Variants in SLC16A7 observed in about 807,000 individuals in gnomAD.
The protein encoded by SLC16A7 is monocarboxylate transporter 2.
Under a neutral mutation model 34.9 loss-of-function variants are expected in SLC16A7, and 33 were observed. That is an observed-to-expected ratio of 0.94 (90% CI 0.72 to 1.26). The LOEUF (loss-of-function observed/expected upper bound fraction) is 1.26, where lower values mean the gene tolerates loss of function less well. Ranked by LOEUF, SLC16A7 falls within the 50% of genes most tolerant of loss-of-function variation. The pLI, the probability that SLC16A7 is intolerant of heterozygous loss-of-function variation, is 0.00. For missense variants in SLC16A7, 573 were observed against 578.1 expected, an observed-to-expected ratio of 0.99 and a Z score of 0.09; for synonymous variants, 201 against 206.6, an observed-to-expected ratio of 0.97 and a Z score of 0.23.
rs1878402591 is a variant in SLC16A7, at chr12:59,596,487, ACT to A, written c.-130+252_-130+253del. ...AGTGCGCGCCGACAGCTGCCCGGGA[ACT>A]GAGGGGGCGCGCGGGGTCCTGGGCA... On this transcript the variant is annotated intron_variant, in intron 1 of 5. Coordinates refer to ENST00000547379, the MANE Select transcript of SLC16A7 (RefSeq NM_001270623.2). This position sits in a 1 kb window ranked among gnomAD's most constrained non-coding sequence, Gnocchi z 5.0. 1.2e-5 allele frequency among the ~76,000 whole-genome samples: 1 copy of A among 84,080 alleles called. No individual in the cohort carries two copies. The highest frequency in any genetic ancestry group is 2.4e-5 in the Non-Finnish European group (1 of 41,404). The allele number at this position is 84,080 out of a possible 152,430, so 55.2% of individuals were successfully genotyped here.
At position 59,714,860 on chromosome 12, in the gene SLC16A7, C is replaced by T. The variant is rs4760300; in HGVS notation, c.217+9842C>T. ...GATTACAGGCATGAGCCAACATGCC[C>T]GGCCTCTCTCTCTTCTTATAAGGAA... On this transcript the variant is annotated intron_variant, in intron 3 of 5. Transcript: ENST00000547379. 2.6e-3 allele frequency among the ~76,000 whole-genome samples: 396 copies of T among 152,234 alleles called. 1 individual carries two copies. Among genetic ancestry groups the T allele is most frequent in the South Asian group, 3.3e-3 (16 of 4,820 alleles).
At chr12:59,650,912 T>A (rs779481789) in intron 1 of SLC16A7, among the ~76,000 whole-genome samples, 3 of 152,216 alleles carry the variant, frequency 2.0e-5, no homozygotes, top group Non-Finnish European at 4.4e-5. Flanking sequence ...AGCTCTAGTG[T>A]ACTATTTGCT....
chr12:59,772,172 T>C (rs1412328881), intron 4 of SLC16A7, among the ~76,000 whole-genome samples: 1 of 152,156 alleles, frequency 6.6e-6, no homozygotes, highest in African/African-American at 2.4e-5. Context: ...ATATTTACAC[T>C]CATGTAATCT....
At chr12:59,603,439 C>T (rs529423240) in intron 1 of SLC16A7, among the ~76,000 whole-genome samples, 27 of 152,254 alleles carry the variant, frequency 1.8e-4, no homozygotes, top group African/African-American at 3.4e-4. Context: ...TACTTCCTAC[C>T]GCCAAATCTT....
At chr12:59,643,167 C>G (rs866226218) in intron 1 of SLC16A7, among the ~76,000 whole-genome samples, 1 of 152,060 alleles carries the variant, frequency 6.6e-6, no homozygotes, top group Non-Finnish European at 1.5e-5. Context: ...AATATTTACT[C>G]CAATGTAATT....
rs1273281305 is a variant in SLC16A7 at position 59,787,541 on chromosome 12, C to T, written c.*7862C>T. 1 of 152,120 alleles carries T rather than the reference C, an allele frequency of 6.6e-6. No homozygotes were observed. The highest frequency in any genetic ancestry group is 1.5e-5 in the Non-Finnish European group (1 of 68,032). The allele number at this position is 152,120 out of a possible 1,614,324, so 9.4% of individuals were successfully genotyped here. A position where few individuals can be genotyped will look rare whatever the true frequency, so the allele number is the denominator to read the frequency against. The stretch of plus-strand genomic sequence containing the variant: ...CCATGTAGAGAACAAACAAAAATCA[C>T]ACCTAAATTAAAGATCTGTGGTGAA... On this transcript the variant is annotated 3_prime_UTR_variant, in exon 6 of 6. Coordinates refer to ENST00000547379, the MANE Select transcript of SLC16A7 (RefSeq NM_001270623.2).
chr12:59,751,336 G>A (rs1251904619), intron 3 of SLC16A7, among the ~76,000 whole-genome samples: 1 of 152,218 alleles, frequency 6.6e-6, no homozygotes, highest in Non-Finnish European at 1.5e-5. Context: ...GGGTCAGGGA[G>A]TTCCCTTTCC....
intron 2 of SLC16A7, among the ~76,000 whole-genome samples, chr12:59,704,500 G>T (rs1374014308): frequency 6.6e-6 from 1 of 152,086 alleles, no homozygotes; most frequent in Non-Finnish European, 1.5e-5. Flanking sequence ...CTTCAGTTCA[G>T]ATCTAAATTC....
rs1465435186 is a variant in SLC16A7 at position 59,788,373 on chromosome 12, A to T, written c.*8694A>T. On this transcript the variant is annotated 3_prime_UTR_variant, in exon 6 of 6. Coordinates refer to ENST00000547379, the MANE Select transcript of SLC16A7 (RefSeq NM_001270623.2). ...TTTGTGATTTTTAAGTGAAAAAAATAAAATGTAGTTGTCTTGTTTATTCTA... is the reference window on the plus strand; with the variant it reads ...TTTGTGATTTTTAAGTGAAAAAAATTAAATGTAGTTGTCTTGTTTATTCTA... 1 of 152,080 alleles carries T rather than the reference A, an allele frequency of 6.6e-6. No homozygotes were observed. Among genetic ancestry groups the T allele is most frequent in the Non-Finnish European group, 1.5e-5 (1 of 67,976 alleles). The allele number at this position is 152,080 out of a possible 1,614,324, so 9.4% of individuals were successfully genotyped here.
chr12:59,646,988 A>T (rs1348421582), intron 1 of SLC16A7, among the ~76,000 whole-genome samples: 1 of 151,962 alleles, frequency 6.6e-6, no homozygotes, highest in Non-Finnish European at 1.5e-5. Context: ...CTGTACCCCC[A>T]TTGTATCTAG....
chr12:59,613,239 G>A (rs1879283183), intron 1 of SLC16A7, among the ~76,000 whole-genome samples: 1 of 152,162 alleles, frequency 6.6e-6, no homozygotes, highest in Non-Finnish European at 1.5e-5. Flanking sequence ...AAGGGGAAAT[G>A]CCCCTTATAA....
chr12:59,714,861 G>A (rs554010190), intron 3 of SLC16A7, among the ~76,000 whole-genome samples: 24 of 152,040 alleles, frequency 1.6e-4, no homozygotes, highest in Middle Eastern at 3.4e-3. Context: ...CAACATGCCC[G>A]GCCTCTCTCT....
chr12:59,686,060 A>G (rs1420132363), intron 2 of SLC16A7, among the ~76,000 whole-genome samples: 2 of 148,158 alleles, frequency 1.3e-5, no homozygotes, highest in Non-Finnish European at 3.0e-5. Context: ...TATATAATGT[A>G]ATTTCTTCAA....
intron 3 of SLC16A7, among the ~76,000 whole-genome samples, chr12:59,743,134 T>G (rs1351862886): frequency 6.6e-6 from 1 of 152,230 alleles, no homozygotes; most frequent in Admixed American, 6.5e-5. Flanking sequence ...GGACTCATCA[T>G]GCTGTTTCAC....
intron 5 of SLC16A7, among the ~76,000 whole-genome samples, chr12:59,776,050 A>G (rs990600271): frequency 2.6e-5 from 4 of 152,160 alleles, no homozygotes; most frequent in African/African-American, 9.7e-5. Flanking sequence ...CTCATGTTCC[A>G]TGTTTATAAA....
chr12:59,761,035 C>T (rs1015154557), intron 3 of SLC16A7: 1 of 498,586 alleles, frequency 2.0e-6, no homozygotes. Context: ...AACAACTAGT[C>T]TTCAAATACT....
chr12:59,645,086 C>A (rs1029174437), intron 1 of SLC16A7, among the ~76,000 whole-genome samples: 1 of 151,976 alleles, frequency 6.6e-6, no homozygotes, highest in Non-Finnish European at 1.5e-5. Context: ...TCTTGTGTAC[C>A]ACTCTCACAG....
intron 1 of SLC16A7, among the ~76,000 whole-genome samples, chr12:59,651,644 G>C (rs961010527): frequency 1.1e-4 from 17 of 152,234 alleles, no homozygotes; most frequent in Admixed American, 4.6e-4. Flanking sequence ...GGTGTCTCAT[G>C]CCTGTCATTT....
At chr12:59,668,984 AT>A (rs1869443137) in intron 2 of SLC16A7, among the ~76,000 whole-genome samples, 2 of 152,096 alleles carry the variant, frequency 1.3e-5, no homozygotes, top group South Asian at 4.1e-4. Context: ...TTCTGCCATG[AT>A]TTTGAGGCCT....
Sources: allele counts gnomAD v4.1 joint callset (sites outside exome capture counted in the v4.1 genomes callset), GRCh38; gene constraint gnomAD v4.1.1; non-coding constraint Gnocchi (gnomAD v3.1); transcripts MANE v1.5; gene names NCBI Gene and HGNC (gene_info 2026-07-23, HGNC 2026-07-21).